The following TMEM255B variants were observed in gnomAD, a reference collection of about 807,000 sequenced individuals.
The protein encoded by TMEM255B is family with sequence similarity 70, member B.
In TMEM255B, 35 loss-of-function variants were observed where a neutral mutation model predicts 34.5. That is an observed-to-expected ratio of 1.01 (90% confidence interval 0.77 to 1.34). TMEM255B has a LOEUF of 1.34. Ranked by LOEUF, TMEM255B falls within the 40% of genes most tolerant of loss-of-function variation. The pLI, the probability that TMEM255B is intolerant of heterozygous loss-of-function variation, is 0.00. For missense variants in TMEM255B, 432 were observed against 433.2 expected, an observed-to-expected ratio of 1.00 and a Z score of 0.02; for synonymous variants, 206 against 201.2, an observed-to-expected ratio of 1.02 and a Z score of -0.20.
chr13:113,781,369 T>C (rs1416455461), intron 3 of TMEM255B, among the ~76,000 whole-genome samples: 1 of 152,258 alleles, frequency 6.6e-6, no homozygotes, highest in African/African-American at 2.4e-5. Context: ...TTTATCCAAC[T>C]TAAAACAACC....
chr13:113,796,851 G>GC (rs1367506387), intron 4 of TMEM255B, among the ~76,000 whole-genome samples: 1 of 152,190 alleles, frequency 6.6e-6, no homozygotes, highest in Non-Finnish European at 1.5e-5. Context: ...GCCTTTGTCT[G>GC]CCCCAACGGT....
At chr13:113,800,470 C>T (rs541299112) in intron 5 of TMEM255B, among the ~76,000 whole-genome samples, 87 of 152,144 alleles carry the variant, frequency 5.7e-4, no homozygotes, top group Admixed American at 2.1e-3. Context: ...TGCCGCCCTC[C>T]GGGCTCTCAG....
intron 1 of TMEM255B, among the ~76,000 whole-genome samples, 176 bp downstream of exon 1, chr13:113,759,491 G>A (rs928073158): frequency 3.3e-5 from 5 of 152,228 alleles, no homozygotes; most frequent in South Asian, 2.1e-4. Context: ...TTTCGCACTG[G>A]GGTCGGGCGT....
At chr13:113,760,325 G>C (rs1013796114) in intron 1 of TMEM255B, among the ~76,000 whole-genome samples, 2 of 152,184 alleles carry the variant, frequency 1.3e-5, no homozygotes, top group Non-Finnish European at 2.9e-5. Context: ...TATTAATGTG[G>C]ATTAGTCTAT....
chr13:113,779,662 C>T (rs1247917072), intron 3 of TMEM255B, among the ~76,000 whole-genome samples: 5 of 152,242 alleles, frequency 3.3e-5, no homozygotes, highest in Admixed American at 2.0e-4. Context: ...TGATACATCT[C>T]GTCTTCAGCT....
chr13:113,769,167 A>G lies in TMEM255B; in HGVS notation c.252+7A>G. The G allele has an allele frequency of 1.2e-6, 2 of 1,614,100 alleles. No individual in the cohort carries two copies. On this transcript the variant is annotated splice_region_variant and intron_variant, in intron 3 of 8. Transcript: ENST00000375353. The surrounding 1 kb of genome is among the most constrained non-coding windows in gnomAD (Gnocchi z 4.2). ...GGAGAATAGAAGGCAAATGGTAAGAAAGTACATGGGGTGGTGGGGAGCATG... is the reference window on the plus strand; with the variant it reads ...GGAGAATAGAAGGCAAATGGTAAGAGAGTACATGGGGTGGTGGGGAGCATG...
intron 2 of TMEM255B, chr13:113,768,838 C>T (rs1390469695): frequency 1.8e-6 from 1 of 569,022 alleles, no homozygotes; most frequent in Admixed American, 2.2e-5. Flanking sequence ...ACTTCTCTTA[C>T]CCCAGAGTCA....
intron 2 of TMEM255B, 110 bp from the exon 3 acceptor site, chr13:113,768,987 TC>T: frequency 1.6e-6 from 2 of 1,235,020 alleles, no homozygotes. Context: ...TGTCTGGCCT[TC>T]GTCCCTGGAT....
At chr13:113,776,043 C>G (rs2050571890) in intron 3 of TMEM255B, among the ~76,000 whole-genome samples, 1 of 152,204 alleles carries the variant, frequency 6.6e-6, no homozygotes, top group African/African-American at 2.4e-5. Context: ...GTGGGACCTG[C>G]CCAGGACACC....
intron 8 of TMEM255B, among the ~76,000 whole-genome samples, chr13:113,808,421 A>AG (rs990508333): frequency 2.0e-5 from 3 of 152,102 alleles, no homozygotes; most frequent in East Asian, 1.9e-4. Flanking sequence ...GCTTGTCCCT[A>AG]GGGGGGCCCT....
At chr13:113,803,062 T>C (rs1435528558) in intron 7 of TMEM255B, 3 of 148,424 alleles carry the variant, frequency 2.0e-5, no homozygotes, top group African/African-American at 7.4e-5. Context: ...AGCCGGATTG[T>C]AGACAGGACA....
rs1309668029 is a variant in TMEM255B, at chr13:113,814,756, C to G, written c.*2853C>G. On this transcript the variant is annotated 3_prime_UTR_variant, in exon 9 of 9. Transcript: ENST00000375353. Reference sequence around the variant, plus strand: ...GGCCTTCTGATCCCAGCCTCCTCTGCAGGGATGGGCTCCCAATCCCGCCCT... The same window carrying G: ...GGCCTTCTGATCCCAGCCTCCTCTGGAGGGATGGGCTCCCAATCCCGCCCT... 1 of 151,796 alleles carries G rather than the reference C, an allele frequency of 6.6e-6. No homozygotes were observed. The highest frequency in any genetic ancestry group is 1.5e-5 in the Non-Finnish European group (1 of 68,054). The allele number at this position is 151,796 out of a possible 1,614,324, so 9.4% of individuals were successfully genotyped here.
intron 3 of TMEM255B, among the ~76,000 whole-genome samples, chr13:113,780,693 A>G (rs1044393890): frequency 6.6e-6 from 1 of 152,208 alleles, no homozygotes; most frequent in Non-Finnish European, 1.5e-5. Flanking sequence ...CAGTCTTCAA[A>G]GTTATCAGAA....
rs755462147 is a variant in TMEM255B, at chr13:113,799,409, A to G, written c.413A>G (p.Tyr138Cys). 2 of 1,614,152 alleles carry G rather than the reference A, an allele frequency of 1.2e-6. No individual in the cohort carries two copies. Among genetic ancestry groups the G allele is most frequent in the Non-Finnish European group, 1.7e-6 (2 of 1,180,010 alleles). ...GGGGTGGGGTACTTGTACGATGTCTACCAGACAGAGGTGAGCAGGAGCACT... is the reference window on the plus strand; with the variant it reads ...GGGGTGGGGTACTTGTACGATGTCTGCCAGACAGAGGTGAGCAGGAGCACT... ...SSGVGYLYDVYQTEVTCHSLD... is the reference protein window; with the variant it reads ...SSGVGYLYDVCQTEVTCHSLD... The change falls in exon 5 of 9, where the codon TAC becomes TGC. Residue 138 changes from tyrosine to cysteine, a missense_variant. Coordinates refer to ENST00000375353, the MANE Select transcript of TMEM255B (RefSeq NM_182614.4).
chr13:113,795,259 G>A (rs1229069626), intron 4 of TMEM255B, 22 bp downstream of exon 4: 1 of 1,605,190 alleles, frequency 6.2e-7, no homozygotes, highest in Non-Finnish European at 8.5e-7. Flanking sequence ...GTCATTGTGT[G>A]CACAGTCGCT....
intron 3 of TMEM255B, among the ~76,000 whole-genome samples, chr13:113,774,511 C>T (rs532744990): frequency 6.6e-5 from 10 of 151,832 alleles, no homozygotes; most frequent in African/African-American, 1.5e-4. Context: ...CAGACACACA[C>T]GACACACTCC....
At chr13:113,768,182 G>A (rs531822506) in intron 2 of TMEM255B, 155 of 470,150 alleles carry the variant, frequency 3.3e-4, no homozygotes, top group Middle Eastern at 1.3e-3. Context: ...CCGGCCCGGC[G>A]CACCTGCGTG....
At chr13:113,811,640 G>A (rs1235432193) in intron 8 of TMEM255B, 96 bp from the exon 9 acceptor site, 23 of 1,432,826 alleles carry the variant, frequency 1.6e-5, no homozygotes, top group Non-Finnish European at 2.1e-5. Context: ...GGTGGGTGGG[G>A]AGCGTGTGAG....
intron 3 of TMEM255B, among the ~76,000 whole-genome samples, chr13:113,778,538 C>T (rs2138538946): frequency 6.7e-6 from 1 of 149,758 alleles, no homozygotes; most frequent in Admixed American, 6.6e-5. Context: ...CCGGGTGAGT[C>T]TCGATTTCAC....
Sources: gnomAD v4.1 joint callset for allele counts (sites outside exome capture counted in the v4.1 genomes callset) on GRCh38, gnomAD v4.1.1 for gene constraint, Gnocchi (gnomAD v3.1) non-coding constraint, MANE v1.5 for transcripts, NCBI Gene and HGNC (gene_info 2026-07-23, HGNC 2026-07-21) for gene names.